The following AP1S2 variants were observed in gnomAD, a reference collection of about 807,000 sequenced individuals.
The protein encoded by AP1S2 is AP-1 complex subunit sigma-2.
AP1S2 carries 1 observed loss-of-function variant against 14.3 expected under a neutral mutation model. The ratio of observed to expected loss-of-function variants is 0.07; its 90% CI spans 0.02 to 0.33. The LOEUF (loss-of-function observed/expected upper bound fraction) is 0.33, where lower values mean the gene tolerates loss of function less well. AP1S2 is among the 10% of genes least tolerant of loss of function. AP1S2 has a pLI of 0.99. For synonymous variants in AP1S2, 30 were observed against 40.5 expected (o/e 0.74, Z 0.99); for missense variants, 30 against 117.7 (o/e 0.25, Z 3.45).
At chrX:15,845,170 C>T (rs144182877) in intron 4 of AP1S2, 4 of 751,868 alleles carry the variant, frequency 5.3e-6, no homozygotes, top group East Asian at 1.5e-4. Context: ...GAGGCCTGAC[C>T]GATAGACCAT....
At chrX:15,846,033 A>G in intron 2 of AP1S2, 22 bp from the exon 3 acceptor site, 1 of 1,031,472 alleles carries the variant, frequency 9.7e-7, no homozygotes. Context: ...TACAAATGTG[A>G]AAAAAACTGT....
chrX:15,844,433 G>T (rs1224481958), intron 4 of AP1S2, among the ~76,000 whole-genome samples: 1 of 112,531 alleles, frequency 8.9e-6, no homozygotes, highest in Non-Finnish European at 1.9e-5. Context: ...TCTGGAAAAT[G>T]AACCAGTGAG....
intron 4 of AP1S2, among the ~76,000 whole-genome samples, chrX:15,839,119 T>G (rs940831661): frequency 2.7e-5 from 3 of 112,015 alleles, no homozygotes; most frequent in Non-Finnish European, 3.8e-5. Context: ...TTCAAGCACT[T>G]CCATTTCAAG....
At position 15,828,283 on chromosome X, in the gene AP1S2, A is replaced by T. The variant is rs1933323464; in HGVS notation, c.427-83T>A. 4 of 750,652 alleles carry T rather than the reference A, an allele frequency of 5.3e-6. No homozygotes were observed. The Admixed American group carries it at 1.6e-4, about 30-fold the overall frequency. The allele number at this position is 750,652 out of a possible 1,213,427, so 61.9% of individuals were successfully genotyped here. On this transcript the variant is annotated intron_variant, in intron 4 of 5. Coordinates refer to ENST00000672987, the MANE Select transcript of AP1S2 (RefSeq NM_001272071.2). ...TTAGAATATTAATTGCATGTAAAGC[A>T]CTTCATGGTGTAATCTTAAGTAAAT...
chrX:15,845,447 C>T lies in AP1S2; in HGVS notation c.358G>A (p.Gly120Arg). The T allele has an allele frequency of 2.5e-6, 3 of 1,209,934 alleles. No homozygotes were observed. The highest frequency in any genetic ancestry group is 3.4e-6 in the Non-Finnish European group (3 of 894,962). ...TTCTTGGATGTTTCCTGAACTTCCCCTCCCAAAAGAAACTCATCCAAAATA... is the reference window on the plus strand; with the variant it reads ...TTCTTGGATGTTTCCTGAACTTCCCTTCCCAAAAGAAACTCATCCAAAATA... ...YFILDEFLLG[G>R]EVQETSKKNV... Residue 120 changes from glycine (G) to arginine (R), a missense_variant, in exon 4 of 6, where the codon GGG becomes AGG. Coordinates refer to ENST00000672987, the MANE Select transcript of AP1S2 (RefSeq NM_001272071.2).
intron 1 of AP1S2, 104 bp from the exon 2 acceptor site, chrX:15,852,628 A>C (rs1934212124): frequency 1.3e-6 from 1 of 763,157 alleles, no homozygotes; most frequent in African/African-American, 2.1e-5. Flanking sequence ...CATTTACATG[A>C]CAAATGATTA....
At position 15,826,775 on chromosome X, in the gene AP1S2, TA is replaced by T. The variant is rs201939651; in HGVS notation, c.*549del. 0.25 allele frequency: 23,095 copies of T among 93,205 alleles called. 2,166 individuals carry two copies. Among genetic ancestry groups the T allele is most frequent in the East Asian group, 0.35 (1,045 of 2,967 alleles). 7.7% of individuals were successfully genotyped at this position (93,205 alleles called of 1,213,427 possible). The stretch of plus-strand genomic sequence containing the variant: ...TCATTAAAAATAATCTGTAGTCCTT[TA>T]AAAAAAAAAAAAAAAGGTATGTAAT... On this transcript the variant is annotated 3_prime_UTR_variant, in exon 6 of 6. Coordinates refer to ENST00000672987, the MANE Select transcript of AP1S2 (RefSeq NM_001272071.2).
intron 4 of AP1S2, among the ~76,000 whole-genome samples, chrX:15,834,666 T>TA (rs1220320485): frequency 1.0e-5 from 1 of 96,733 alleles, no homozygotes; most frequent in East Asian, 3.2e-4. Flanking sequence ...TTTTTTTTTT[T>TA]AGTAGAGATG....
intron 2 of AP1S2, among the ~76,000 whole-genome samples, chrX:15,850,043 C>A (rs1934124693): frequency 8.9e-6 from 1 of 112,068 alleles, no homozygotes; most frequent in African/African-American, 3.2e-5. Flanking sequence ...TCCTTCCTCA[C>A]TTTCATTGAA....
intron 4 of AP1S2, chrX:15,831,394 A>G (rs1222558222): frequency 9.7e-6 from 7 of 723,268 alleles, no homozygotes; most frequent in African/African-American, 2.4e-5. Context: ...AAAAAATACA[A>G]TCATAAAAGT....
At chrX:15,842,957 C>T (rs981674859) in intron 4 of AP1S2, among the ~76,000 whole-genome samples, 13 of 104,142 alleles carry the variant, frequency 1.2e-4, no homozygotes, top group Non-Finnish European at 1.6e-4. Context: ...ACACAGGAAG[C>T]GGAGGTTGCA....
chrX:15,833,458 G>A, intron 4 of AP1S2: 4 of 889,674 alleles, frequency 4.5e-6, no homozygotes, highest in Non-Finnish European at 5.6e-6. Context: ...TATTAAATGT[G>A]AGAATACTCT....
intron 1 of AP1S2, among the ~76,000 whole-genome samples, chrX:15,854,274 C>T (rs181039537): frequency 1.4e-3 from 152 of 111,855 alleles, no homozygotes; most frequent in Non-Finnish European, 2.3e-3. Flanking sequence ...TGCCTCCCCC[C>T]CACTCCCGTG....
intron 4 of AP1S2, among the ~76,000 whole-genome samples, chrX:15,828,671 A>G (rs1601838193): frequency 9.0e-6 from 1 of 110,805 alleles, no homozygotes; most frequent in Non-Finnish European, 1.9e-5. Flanking sequence ...ACAGATCTAA[A>G]TAGAAATGAG....
chrX:15,840,353 TAAGGGTTAA>T, intron 4 of AP1S2: 1 of 216,546 alleles, frequency 4.6e-6, no homozygotes, highest in Non-Finnish European at 8.4e-6. Context: ...CATCAACCGC[TAAGGGTTAA>T]AGCCCAAATG....
intron 5 of AP1S2, among the ~76,000 whole-genome samples, chrX:15,827,910 G>A (rs1049919599): frequency 1.8e-5 from 2 of 111,340 alleles, no homozygotes; most frequent in African/African-American, 6.5e-5. Flanking sequence ...CATCACTAGA[G>A]GCCACATATG....
At chrX:15,833,048 CT>C in intron 4 of AP1S2, 1 of 1,086,629 alleles carries the variant, frequency 9.2e-7, no homozygotes. Flanking sequence ...GTCAAATAAC[CT>C]TTTGCCTAAA....
At chrX:15,845,048 G>A (rs936942135) in intron 4 of AP1S2, 1 of 748,357 alleles carries the variant, frequency 1.3e-6, no homozygotes, top group African/African-American at 2.3e-5. Flanking sequence ...GCAATAGATG[G>A]AGAGTTCTCA....
intron 2 of AP1S2, among the ~76,000 whole-genome samples, chrX:15,846,364 G>A (rs1172448544): frequency 2.7e-5 from 3 of 111,920 alleles, no homozygotes; most frequent in Admixed American, 1.9e-4. Flanking sequence ...CAAACTGTAA[G>A]TACAGAGAAG....
Sources: gnomAD v4.1 joint callset for allele counts (sites outside exome capture counted in the v4.1 genomes callset) on GRCh38, gnomAD v4.1.1 for gene constraint, MANE v1.5 for transcripts, NCBI Gene and HGNC (gene_info 2026-07-23, HGNC 2026-07-21) for gene names.